The following SEMA4D variants were observed in gnomAD, a reference collection of about 807,000 sequenced individuals.
The protein encoded by SEMA4D is semaphorin-4D.
A neutral mutation model predicts 74.8 loss-of-function variants in SEMA4D; 22 were observed. The observed-to-expected ratio is 0.29, with a 90% CI of 0.21 to 0.42. The LOEUF (loss-of-function observed/expected upper bound fraction) is 0.42. Among genes scored for constraint, SEMA4D ranks in the 10% least tolerant of loss-of-function variants. SEMA4D has a pLI of 1.00. For synonymous variants in SEMA4D, 445 were observed against 463.7 expected, an observed-to-expected ratio of 0.96 and a Z score of 0.52; for missense variants, 937 against 1,118.4, an observed-to-expected ratio of 0.84 and a Z score of 2.31.
Position 89,381,580 on chromosome 9 carries a change from CCT to C in SEMA4D, c.1447-236_1447-235del, listed in dbSNP as rs1208964414. 4.1e-5 allele frequency: 17 copies of C among 412,812 alleles called. No homozygotes were observed. The South Asian group carries it at 6.3e-4, about 15-fold the overall frequency. The allele number at this position is 412,812 out of a possible 1,614,324, so 25.6% of individuals were successfully genotyped here. A position where few individuals can be genotyped will look rare whatever the true frequency, so the allele number is the denominator to read the frequency against. ...GCCTTAGGTCCAAATCCCTCTCTCCCCTGTCTGGGCACCCACAGGTGCCTGCC... is the reference window on the plus strand; with the variant it reads ...GCCTTAGGTCCAAATCCCTCTCTCCCGTCTGGGCACCCACAGGTGCCTGCC... On this transcript the variant is annotated intron_variant, in intron 13 of 15. Transcript: ENST00000422704. The surrounding 1 kb of genome is among the most constrained non-coding windows in gnomAD (Gnocchi z 4.6).
intron 2 of SEMA4D, among the ~76,000 whole-genome samples, chr9:89,454,843 C>G (rs1855546261): frequency 6.6e-6 from 1 of 152,268 alleles, no homozygotes; most frequent in African/African-American, 2.4e-5. Flanking sequence ...CCCCAGCTGA[C>G]CCAGTGGGGC....
At chr9:89,479,208 G>C (rs1421747299) in intron 1 of SEMA4D, among the ~76,000 whole-genome samples, 1 of 152,136 alleles carries the variant, frequency 6.6e-6, no homozygotes, top group Non-Finnish European at 1.5e-5. Context: ...AGCCACATTG[G>C]GGGTCACTCA....
chr9:89,376,584 A>G (rs990722805), downstream of SEMA4D: 13 of 464,044 alleles, frequency 2.8e-5, no homozygotes, highest in Middle Eastern at 5.5e-4. Flanking sequence ...CAAGGCCTAA[A>G]TATCTAGCCC....
At chr9:89,450,686 A>AAAAAAC in intron 2 of SEMA4D, 1 of 945,102 alleles carries the variant, frequency 1.1e-6, no homozygotes, top group Non-Finnish European at 1.6e-6. Context: ...AAAAAAAAAA[A>AAAAAAC]AGGCCTCCAA....
At chr9:89,362,308 G>GT in exon 19 of SEMA4D, 1 of 1,608,696 alleles carries the variant, frequency 6.2e-7, no homozygotes, top group Non-Finnish European at 8.5e-7. Context: ...GTTCACAGTT[G>GT]TGGGGGACCA....
intron 2 of SEMA4D, among the ~76,000 whole-genome samples, chr9:89,430,224 C>T (rs771000034): frequency 1.3e-4 from 20 of 152,254 alleles, no homozygotes; most frequent in Non-Finnish European, 2.2e-4. Context: ...TTCAGCAATA[C>T]TCTCCCACTT....
intron 2 of SEMA4D, chr9:89,450,107 A>T: frequency 8.2e-7 from 1 of 1,222,602 alleles, no homozygotes; most frequent in Non-Finnish European, 1.2e-6. Flanking sequence ...TGCCAATAGA[A>T]GGTATGCTGT....
rs574487336 is a variant in SEMA4D at position 89,450,687 on chromosome 9, A to G, written c.-244+5201T>C. ...AAAAAAAAAAAAAAAAAAAAAAAAA[A>G]GGCCTCCAAGACTGCAGAGAATGCC... On this transcript the variant is annotated intron_variant, in intron 2 of 15. Transcript: ENST00000422704. The G allele has an allele frequency of 1.4e-3, 1,348 of 982,422 alleles. 26 individuals are homozygous for G. The African/African-American group carries it at 0.022, about 16-fold the overall frequency. 60.9% of individuals were successfully genotyped at this position (982,422 alleles called of 1,614,324 possible).
Position 89,392,707 on chromosome 9 carries a change from T to C in SEMA4D, c.509-171A>G, listed in dbSNP as rs547874283. On this transcript the variant is annotated intron_variant, in intron 7 of 15. Transcript: ENST00000422704. ...TTTTGGGGTGTCCTGTGTCTTCTAG[T>C]TCTTTCTTTTTCGAGATGAGGTTTT... 3.6e-4 allele frequency among the ~76,000 whole-genome samples: 37 copies of C among 101,380 alleles called. No individual in the cohort carries two copies. In the South Asian group the frequency reaches 0.011, roughly 31 times the overall value. 66.5% of individuals were successfully genotyped at this position (101,380 alleles called of 152,430 possible).
At chr9:89,435,289 C>T (rs1236304108) in intron 2 of SEMA4D, among the ~76,000 whole-genome samples, 1 of 152,220 alleles carries the variant, frequency 6.6e-6, no homozygotes, top group Non-Finnish European at 1.5e-5. Context: ...CCAGTACATT[C>T]CATGGGAATC....
chr9:89,448,471 G>C (rs1307379218), intron 2 of SEMA4D, among the ~76,000 whole-genome samples: 2 of 152,200 alleles, frequency 1.3e-5, no homozygotes, highest in Admixed American at 1.3e-4. Context: ...TCCCCTGGGC[G>C]ATGTGGGATA....
chr9:89,361,982 TA>T lies in SEMA4D; in HGVS notation c.*419del, dbSNP rs901529732. The stretch of plus-strand genomic sequence containing the variant: ...TGGCCATGCTAACCCTGTTGGCTAT[TA>T]GGGGGTGGGGGCACTCTGTCAAGGG... On this transcript the variant is annotated 3_prime_UTR_variant, in exon 19 of 19. Transcript: ENST00000339861. 6.2e-5 allele frequency: 17 copies of T among 273,172 alleles called. No individual in the cohort carries two copies. The Admixed American group carries it at 6.4e-4, about 10-fold the overall frequency. The allele number at this position is 273,172 out of a possible 1,614,324, so 16.9% of individuals were successfully genotyped here.
At chr9:89,411,816 G>A (rs1000984007) in intron 2 of SEMA4D, among the ~76,000 whole-genome samples, 1 of 152,210 alleles carries the variant, frequency 6.6e-6, no homozygotes, top group African/African-American at 2.4e-5. Flanking sequence ...CAGATCTGGG[G>A]GCTCAAACAC....
intron 1 of SEMA4D, among the ~76,000 whole-genome samples, chr9:89,497,616 T>C (rs546930507): frequency 7.5e-4 from 112 of 150,178 alleles, no homozygotes; most frequent in African/African-American, 2.7e-3. Context: ...GCGCAGGGAC[T>C]GGGGAGGCAA....
chr9:89,422,015 A>T (rs1847069339), intron 2 of SEMA4D, among the ~76,000 whole-genome samples: 1 of 152,256 alleles, frequency 6.6e-6, no homozygotes, highest in Admixed American at 6.5e-5. Flanking sequence ...TAAATCTGAT[A>T]TCAAAAGTAA....
At chr9:89,413,147 GAAT>G (rs1844897133) in intron 2 of SEMA4D, among the ~76,000 whole-genome samples, 2 of 152,208 alleles carry the variant, frequency 1.3e-5, no homozygotes. Context: ...CATTCAGAAA[GAAT>G]GACTTGACAC....
At chr9:89,403,658 T>A (rs940602570) in intron 3 of SEMA4D, among the ~76,000 whole-genome samples, 2 of 152,250 alleles carry the variant, frequency 1.3e-5, no homozygotes, top group Non-Finnish European at 2.9e-5. Context: ...TTAAGAATAA[T>A]ATAAATGTAT....
At chr9:89,495,760 G>A (rs1047713343) in intron 1 of SEMA4D, among the ~76,000 whole-genome samples, 39 of 152,062 alleles carry the variant, frequency 2.6e-4, no homozygotes, top group Non-Finnish European at 4.1e-4. Flanking sequence ...TGGCTCCAGG[G>A]GTCAGGAGGA....
chr9:89,370,551 T>G (rs1834420116), intron 16 of SEMA4D, among the ~76,000 whole-genome samples: 2 of 142,702 alleles, frequency 1.4e-5, no homozygotes, highest in African/African-American at 2.6e-5. Context: ...TGTGAGGGGG[T>G]GTGGTGCTGG....
Sources: gnomAD v4.1 joint callset for allele counts (sites outside exome capture counted in the v4.1 genomes callset) on GRCh38, gnomAD v4.1.1 for gene constraint, Gnocchi (gnomAD v3.1) non-coding constraint, MANE v1.5 for transcripts, NCBI Gene and HGNC (gene_info 2026-07-23, HGNC 2026-07-21) for gene names.